Variants in CKAP2L observed in about 807,000 individuals in gnomAD.
CKAP2L encodes the protein cytoskeleton associated protein 2L, also known as cytoskeleton-associated protein 2-like.
CKAP2L carries 42 observed loss-of-function variants against 65.7 expected under a neutral mutation model. The observed-to-expected ratio is 0.64, with a 90% CI of 0.50 to 0.83. The LOEUF (loss-of-function observed/expected upper bound fraction) is 0.83, where lower values mean the gene tolerates loss of function less well. Among genes scored for constraint, CKAP2L ranks in the 40% least tolerant of loss-of-function variants. The pLI is 0.00. For synonymous variants in CKAP2L, 325 were observed against 313.5 expected, an observed-to-expected ratio of 1.04 and a Z score of -0.39; for missense variants, 908 against 871.0, an observed-to-expected ratio of 1.04 and a Z score of -0.53.
Position 112,740,887 on chromosome 2 carries a change from G to A in CKAP2L, c.1943C>T (p.Thr648Ile), listed in dbSNP as rs537202818. The A allele has an allele frequency of 1.2e-6, 2 of 1,613,942 alleles. No individual in the cohort carries two copies. The highest frequency in any genetic ancestry group is 2.2e-5 in the East Asian group (1 of 44,880). ...SPKEREQVTATPRIAKAEQHN... is the reference protein window; with the variant it reads ...SPKEREQVTAIPRIAKAEQHN... Reference sequence around the variant, plus strand: ...CTGTTCTGCCTTGGCTATTCGGGGTGTCGCCGTGACTTGTTCCCTCTCTTT... The same window carrying A: ...CTGTTCTGCCTTGGCTATTCGGGGTATCGCCGTGACTTGTTCCCTCTCTTT... Residue 648 changes from threonine to isoleucine, a missense_variant, in exon 8 of 9, where the codon ACA (threonine) becomes ATA (isoleucine). By Grantham distance (89) the Thr-to-Ile change is moderately conservative. Coordinates refer to ENST00000302450, the MANE Select transcript of CKAP2L (RefSeq NM_152515.5).
rs574220125 is a variant in CKAP2L at position 112,756,128 on chromosome 2, C to G, written c.1243G>C (p.Ala415Pro). Residue 415 changes from alanine to proline, a missense_variant, in exon 4 of 9, where the codon GCA becomes CCA. Transcript: ENST00000302450. ...KHNNNGFQQK[A>P]QTLDSKLKKA... ...TTCAACTTGGAGTCCAAAGTCTGTG[C>G]TTTTTGCTGAAAGCCATTATTGTTA... 6.2e-7 allele frequency: 1 copy of G among 1,614,104 alleles called. No homozygotes were observed. The highest frequency in any genetic ancestry group is 8.5e-7 in the Non-Finnish European group (1 of 1,180,036).
intron 8 of CKAP2L, among the ~76,000 whole-genome samples, chr2:112,739,452 T>G (rs1679705053): frequency 6.6e-6 from 1 of 152,192 alleles, no homozygotes; most frequent in Non-Finnish European, 1.5e-5. Flanking sequence ...ATTTCCAGAA[T>G]GTACTGGGTG....
chr2:112,745,001 G>A (rs1387262562), intron 6 of CKAP2L, among the ~76,000 whole-genome samples: 2 of 152,204 alleles, frequency 1.3e-5, no homozygotes, highest in Admixed American at 6.5e-5. Flanking sequence ...GTAGGAAGAA[G>A]AAAACTAATA....
At chr2:112,746,738 T>A (rs986678334) in intron 5 of CKAP2L, among the ~76,000 whole-genome samples, 163 bp from the exon 6 acceptor site, 4 of 152,188 alleles carry the variant, frequency 2.6e-5, no homozygotes, top group Admixed American at 1.3e-4. Context: ...GTACATGTAA[T>A]AAAATGCACC....
In CKAP2L at chr2:112,761,549, T is replaced by TA. The variant is rs201461809; in HGVS notation, c.105-786dup. ...TAACTTTAAGGGGGTAAAGAAATAT[T>TA]AAAAAAAAAAAAACCAAGACACACA... is the stretch of plus-strand genomic sequence containing the variant. On this transcript the variant is annotated intron_variant, in intron 2 of 8. Coordinates refer to ENST00000302450, the MANE Select transcript of CKAP2L (RefSeq NM_152515.5). Among the ~76,000 whole-genome samples, 318 of 130,836 alleles carry TA rather than the reference T, an allele frequency of 2.4e-3. 2 individuals are homozygous for TA. Among genetic ancestry groups the TA allele is most frequent in the Middle Eastern group, 3.7e-3 (1 of 268 alleles). 85.8% of individuals were successfully genotyped at this position (130,836 alleles called of 152,430 possible).
Position 112,738,916 on chromosome 2 carries a change from A to C in CKAP2L, c.2145T>G (p.Asp715Glu). The C allele has an allele frequency of 1.2e-6, 2 of 1,614,126 alleles. No individual in the cohort carries two copies. Among genetic ancestry groups the C allele is most frequent in the Non-Finnish European group, 1.7e-6 (2 of 1,179,974 alleles). Residue 715 changes from aspartate to glutamate, a missense_variant, in exon 9 of 9, where the codon GAT (aspartate) becomes GAG (glutamate). Transcript: ENST00000302450. Reference sequence around the variant, plus strand: ...TTGTTTCTTCCACTTCTAACAGTTCATCAAGAGAAGCCACTACTAAATCGT... The same window carrying C: ...TTGTTTCTTCCACTTCTAACAGTTCCTCAAGAGAAGCCACTACTAAATCGT... ...QEHDLVVASL[D>E]ELLEVEETKC... is the part of the protein sequence containing the mutation.
At chr2:112,749,725 T>C (rs1159273170) in intron 5 of CKAP2L, among the ~76,000 whole-genome samples, 1 of 152,184 alleles carries the variant, frequency 6.6e-6, no homozygotes, top group Non-Finnish European at 1.5e-5. Flanking sequence ...AATGACAAGA[T>C]ATGTCAGTTA....
intron 1 of CKAP2L, among the ~76,000 whole-genome samples, chr2:112,763,264 C>A (rs1466115893): frequency 6.6e-6 from 1 of 152,128 alleles, no homozygotes. Context: ...CTACAACAGT[C>A]TGTTTTGAAG....
Position 112,757,953 on chromosome 2 carries a change from T to G in CKAP2L, c.157-739A>C, listed in dbSNP as rs144390746. ...TTGTATAGCCACACTATATGTTTTT[T>G]AAACCACTGCCTTTGTAAACATCAC... is the stretch of plus-strand genomic sequence containing the variant. On this transcript the variant is annotated intron_variant, in intron 3 of 8. Coordinates refer to ENST00000302450, the MANE Select transcript of CKAP2L (RefSeq NM_152515.5). Among the ~76,000 whole-genome samples, 20 of 152,326 alleles carry G rather than the reference T, an allele frequency of 1.3e-4. No homozygotes were observed. The East Asian group carries it at 3.9e-3, about 29-fold the overall frequency.
At chr2:112,760,507 C>A (rs1019088821) in intron 3 of CKAP2L, among the ~76,000 whole-genome samples, 10 of 152,148 alleles carry the variant, frequency 6.6e-5, no homozygotes, top group African/African-American at 1.9e-4. Flanking sequence ...TCACTTGAGG[C>A]TTTTCTTGGT....
chr2:112,747,852 A>G (rs1220388876), intron 5 of CKAP2L, among the ~76,000 whole-genome samples: 9 of 152,248 alleles, frequency 5.9e-5, no homozygotes, highest in Admixed American at 5.9e-4. Context: ...ATCACAGTCA[A>G]TATCTTCAGA....
chr2:112,737,944 C>CT lies in CKAP2L; in HGVS notation c.*878dup, dbSNP rs1170660112. 1 of 151,590 alleles carries CT rather than the reference C, an allele frequency of 6.6e-6. No individual in the cohort carries two copies. Among genetic ancestry groups the CT allele is most frequent in the Non-Finnish European group, 1.5e-5 (1 of 68,032 alleles). 9.4% of individuals were successfully genotyped at this position (151,590 alleles called of 1,614,324 possible). A position where few individuals can be genotyped will look rare whatever the true frequency, so the allele number is the denominator to read the frequency against. On this transcript the variant is annotated 3_prime_UTR_variant, in exon 9 of 9. Coordinates refer to ENST00000302450, the MANE Select transcript of CKAP2L (RefSeq NM_152515.5). ...AAAGCTAAAATTTAAAATGTGTTGA[C>CT]TAGGTTTTTCTACACAATTATATTT...
At chr2:112,761,038 A>C (rs1157297927) in intron 2 of CKAP2L, among the ~76,000 whole-genome samples, 1 of 152,022 alleles carries the variant, frequency 6.6e-6, no homozygotes, top group East Asian at 1.9e-4. Context: ...GCATTCTCAC[A>C]ATATTAATGA....
chr2:112,755,586 T>C (rs990968275), intron 4 of CKAP2L, among the ~76,000 whole-genome samples: 1 of 152,178 alleles, frequency 6.6e-6, no homozygotes, highest in Non-Finnish European at 1.5e-5. Flanking sequence ...CTGGTTTGCT[T>C]GACAAGAGAT....
chr2:112,755,946 G>A, intron 4 of CKAP2L, 31 bp downstream of exon 4: 1 of 1,521,552 alleles, frequency 6.6e-7, no homozygotes, highest in Non-Finnish European at 8.8e-7. Context: ...ATCATCTTAA[G>A]TTGCAAAAGC....
chr2:112,756,986 A>G lies in CKAP2L; in HGVS notation c.385T>C (p.Ser129Pro), dbSNP rs115154628. ...TTTCTTGACAGTTCTCCTGTTGTGG[A>G]CGATCCAGCTTCACACTGTTGAAAA... is the stretch of plus-strand genomic sequence containing the variant. ...KSFQQCEAGS[S>P]TTGELSRKPV... Residue 129 changes from serine to proline, a missense_variant, in exon 4 of 9, where the codon TCC (serine) becomes CCC (proline). By Grantham distance (74) the Ser-to-Pro change is moderately conservative. Coordinates refer to ENST00000302450, the MANE Select transcript of CKAP2L (RefSeq NM_152515.5). The G allele has an allele frequency of 2.1e-3, 3,430 of 1,614,192 alleles. 8 individuals are homozygous for G. The highest frequency in any genetic ancestry group is 2.7e-3 in the Non-Finnish European group (3,192 of 1,180,036).
intron 5 of CKAP2L, among the ~76,000 whole-genome samples, chr2:112,748,556 T>C (rs1200186518): frequency 6.6e-6 from 1 of 152,166 alleles, no homozygotes; most frequent in Non-Finnish European, 1.5e-5. Flanking sequence ...CATGAAAGAC[T>C]TGAAATAAAA....
At chr2:112,752,976 C>A (rs1680421490) in intron 4 of CKAP2L, among the ~76,000 whole-genome samples, 1 of 152,162 alleles carries the variant, frequency 6.6e-6, no homozygotes, top group Non-Finnish European at 1.5e-5. Flanking sequence ...TAAGCTAGAC[C>A]TATAAAGTCA....
chr2:112,745,943 T>C (rs1051142985), intron 6 of CKAP2L, among the ~76,000 whole-genome samples: 3 of 152,032 alleles, frequency 2.0e-5, no homozygotes. Context: ...GAGGTTAATA[T>C]AAAAATAAAT....
Sources: allele counts gnomAD v4.1 joint callset (sites outside exome capture counted in the v4.1 genomes callset), GRCh38; gene constraint gnomAD v4.1.1; transcripts MANE v1.5; gene names NCBI Gene and HGNC (gene_info 2026-07-23, HGNC 2026-07-21).